Variants in MAPK8IP3 observed in about 807,000 individuals in gnomAD.
The protein encoded by MAPK8IP3 is mitogen-activated protein kinase 8 interacting protein 3.
In MAPK8IP3, 49 loss-of-function variants were observed where a neutral mutation model predicts 157.8. The ratio of observed to expected loss-of-function variants is 0.31; its 90% CI spans 0.25 to 0.39. MAPK8IP3 has a LOEUF of 0.39. Among genes scored for constraint, MAPK8IP3 ranks in the 10% least tolerant of loss-of-function variants. The pLI, the probability that MAPK8IP3 is intolerant of heterozygous loss-of-function variation, is 1.00. For missense variants in MAPK8IP3, 1,478 were observed against 1,889.4 expected (o/e 0.78, Z 4.04); for synonymous variants, 897 against 777.7 (o/e 1.15, Z -2.55).
rs1344328149 is a variant in MAPK8IP3, at chr16:1,758,982, CGAT to C, written c.1237_1239del (p.Asp413del). 2 of 1,614,162 alleles carry C rather than the reference CGAT, an allele frequency of 1.2e-6. No homozygotes were observed. Among genetic ancestry groups the C allele is most frequent in the East Asian group, 2.2e-5 (1 of 44,880 alleles). ...GGGACGGGGACGGCTCCCTAGTGCG[CGAT>C]GATTTCTTTGGTAAGGCTGAGGCCC... On this transcript the variant is annotated inframe_deletion, in exon 10 of 32. Coordinates refer to ENST00000610761, the MANE Select transcript of MAPK8IP3 (RefSeq NM_001318852.2).
chr16:1,721,708 T>TGGGA (rs755236841), intron 1 of MAPK8IP3, among the ~76,000 whole-genome samples: 2 of 152,206 alleles, frequency 1.3e-5, no homozygotes, highest in East Asian at 3.9e-4. Context: ...CCCAAAGTAC[T>TGGGA]GGGATTACAG....
chr16:1,738,365 A>AGCATCT, intron 4 of MAPK8IP3, among the ~76,000 whole-genome samples: 1 of 58,362 alleles, frequency 1.7e-5, no homozygotes, highest in Non-Finnish European at 3.2e-5. Flanking sequence ...CATCCGTGTG[A>AGCATCT]GTGTGACCAT....
At position 1,706,535 on chromosome 16, in the gene MAPK8IP3, C is replaced by A. The variant is rs1213664634; in HGVS notation, c.196C>A (p.Leu66Ile). 1 of 1,613,868 alleles carries A rather than the reference C, an allele frequency of 6.2e-7. No individual in the cohort carries two copies. ...MPLVVNVLENLDSVLSENQEH... is the reference protein window; with the variant it reads ...MPLVVNVLENIDSVLSENQEH... The stretch of plus-strand genomic sequence containing the variant: ...GCTGGTGGTGAACGTGCTGGAGAAC[C>A]TAGACTCGGTGCTCAGCGAGAACCA... Residue 66 changes from leucine (L) to isoleucine (I), a missense_variant, in exon 1 of 32, where the codon CTA (leucine) becomes ATA (isoleucine). Leu to Ile is a conservative substitution (Grantham distance 5, BLOSUM62 2). This residue lies in a region of MAPK8IP3 where 65 missense variants were observed against 161.8 expected (regional missense o/e 0.40). Coordinates refer to ENST00000610761, the MANE Select transcript of MAPK8IP3 (RefSeq NM_001318852.2). The surrounding 1 kb of genome is among the most constrained non-coding windows in gnomAD (Gnocchi z 5.1).
chr16:1,765,983 C>G lies in MAPK8IP3; in HGVS notation c.2470C>G (p.Pro824Ala). The G allele has an allele frequency of 1.2e-6, 2 of 1,612,540 alleles. No homozygotes were observed. Among genetic ancestry groups the G allele is most frequent in the Non-Finnish European group, 1.7e-6 (2 of 1,179,826 alleles). The change falls in exon 21 of 32, where the codon CCC becomes GCC. Residue 824 changes from proline to alanine, a missense_variant. Pro to Ala is a conservative substitution (Grantham distance 27). This residue lies in a region of MAPK8IP3 where 669 missense variants were observed against 759.8 expected (regional missense o/e 0.88). Coordinates refer to ENST00000610761, the MANE Select transcript of MAPK8IP3 (RefSeq NM_001318852.2). The stretch of plus-strand genomic sequence containing the variant: ...AGCGGCCAGCGACAGCGACTACCCT[C>G]CCGGGGAGATGTTCCTGGACAGCGA... Reference protein sequence around the residue: ...IPAASDSDYPPGEMFLDSDVN... With the variant: ...IPAASDSDYPAGEMFLDSDVN...
At chr16:1,709,160 T>G (rs2037591590) in intron 1 of MAPK8IP3, among the ~76,000 whole-genome samples, 1 of 152,210 alleles carries the variant, frequency 6.6e-6, no homozygotes, top group African/African-American at 2.4e-5. Context: ...TATAAAAACC[T>G]GAGCAGAGCA....
intron 4 of MAPK8IP3, among the ~76,000 whole-genome samples, chr16:1,736,607 CGT>C (rs1426001208): frequency 7.0e-5 from 3 of 42,662 alleles, no homozygotes; most frequent in African/African-American, 1.8e-4. Context: ...TGTGAGCATC[CGT>C]GTGACCGTCC....
intron 30 of MAPK8IP3, 23 bp from the exon 31 acceptor site, chr16:1,768,454 C>T (rs1468126678): frequency 4.4e-6 from 7 of 1,584,162 alleles, no homozygotes; most frequent in Non-Finnish European, 6.0e-6. Context: ...GGCCGCTGTC[C>T]TGAATCGCTT....
chr16:1,710,236 C>T lies in MAPK8IP3; in HGVS notation c.318+3579C>T, dbSNP rs1034281949. Among the ~76,000 whole-genome samples the T allele has an allele frequency of 1.2e-4, 18 of 151,766 alleles. No individual in the cohort carries two copies. Among genetic ancestry groups the T allele is most frequent in the Admixed American group, 3.3e-4 (5 of 15,240 alleles). ...CCAACATTTGACATTGAACTCCTGA[C>T]CTCCTCATCTCAGGTCAGGAGTTTG... On this transcript the variant is annotated intron_variant, in intron 1 of 31. Coordinates refer to ENST00000610761, the MANE Select transcript of MAPK8IP3 (RefSeq NM_001318852.2). This position sits in a 1 kb window ranked among gnomAD's most constrained non-coding sequence, Gnocchi z 4.1.
chr16:1,739,423 ACCGT>A (rs1475518267), intron 4 of MAPK8IP3, among the ~76,000 whole-genome samples: 12 of 121,822 alleles, frequency 9.9e-5, no homozygotes, highest in Admixed American at 5.3e-4. Context: ...CATCCCTGTG[ACCGT>A]CCGTGTGAGC....
intron 4 of MAPK8IP3, among the ~76,000 whole-genome samples, chr16:1,735,839 G>A (rs1427309574): frequency 2.0e-4 from 28 of 136,976 alleles, no homozygotes; most frequent in South Asian, 9.8e-4. Context: ...GTGTGAGAGC[G>A]TGACCGCCCG....
chr16:1,736,369 CGT>C (rs1186136001), intron 4 of MAPK8IP3, among the ~76,000 whole-genome samples: 1 of 66,328 alleles, frequency 1.5e-5, no homozygotes, highest in Non-Finnish European at 2.8e-5. Context: ...TGTGACCGTC[CGT>C]GTGAGCATCC....
At chr16:1,765,367 G>A (rs527695799) in intron 20 of MAPK8IP3, among the ~76,000 whole-genome samples, 189 bp downstream of exon 20, 8 of 152,332 alleles carry the variant, frequency 5.3e-5, no homozygotes, top group South Asian at 4.1e-4. Context: ...GAGGAAGCTC[G>A]CGGCAGCCTC....
At chr16:1,745,621 C>G (rs572979092) in intron 5 of MAPK8IP3, 1 of 152,360 alleles carries the variant, frequency 6.6e-6, no homozygotes, top group Non-Finnish European at 1.5e-5. Flanking sequence ...CGCTGGGACG[C>G]GGTGGGTGTG....
chr16:1,729,208 G>C lies in MAPK8IP3; in HGVS notation c.510G>C (p.Glu170Asp). 6.2e-7 allele frequency: 1 copy of C among 1,613,870 alleles called. No homozygotes were observed. The highest frequency in any genetic ancestry group is 8.5e-7 in the Non-Finnish European group (1 of 1,180,008). Residue 170 changes from glutamate to aspartate, a missense_variant and splice_region_variant, in exon 3 of 32, where the codon GAG becomes GAC. Around this residue, in one of 11 missense-constraint regions of MAPK8IP3, gnomAD observed 315 missense variants for 394.4 expected, o/e 0.80. Transcript: ENST00000610761. ...EYNALHQRHT[E>D]MIQTYVEHIE... ...ATGCCCTGCACCAGCGGCACACAGA[G>C]GTGGGCGCCCAGAGGCAAGCGCGGA...
Position 1,767,188 on chromosome 16 carries a change from T to G in MAPK8IP3, c.3128T>G (p.Leu1043Arg). The G allele has an allele frequency of 6.2e-7, 1 of 1,613,314 alleles. No homozygotes were observed. Among genetic ancestry groups the G allele is most frequent in the Non-Finnish European group, 8.5e-7 (1 of 1,180,014 alleles). ...CTGAGCAACTATCACCTAATGGACC[T>G]GGGCCACCCGCACCACTCCATCCGC... is the stretch of plus-strand genomic sequence containing the variant. ...WDLSNYHLMD[L>R]GHPHHSIRCM... is the part of the protein sequence containing the mutation. Residue 1043 changes from leucine to arginine, a missense_variant, in exon 26 of 32, where the codon CTG becomes CGG. Around this residue, in one of 11 missense-constraint regions of MAPK8IP3, gnomAD observed 669 missense variants for 759.8 expected, o/e 0.88. Transcript: ENST00000610761.
intron 2 of MAPK8IP3, among the ~76,000 whole-genome samples, chr16:1,727,366 C>T (rs1334985676): frequency 4.0e-5 from 6 of 151,802 alleles, no homozygotes; most frequent in Non-Finnish European, 5.9e-5. Context: ...GTCTGTGAGC[C>T]GTGTGTTATT....
At chr16:1,733,843 G>T (rs1216575160) in intron 4 of MAPK8IP3, among the ~76,000 whole-genome samples, 1 of 152,252 alleles carries the variant, frequency 6.6e-6, no homozygotes, top group Non-Finnish European at 1.5e-5. Context: ...TGGATCTGGG[G>T]TGCTCTCTTG....
chr16:1,755,094 A>G (rs183736692), intron 8 of MAPK8IP3, among the ~76,000 whole-genome samples: 156 of 152,358 alleles, frequency 1.0e-3, no homozygotes, highest in Non-Finnish European at 1.3e-3. Flanking sequence ...AGCTTGCAGG[A>G]TTCCACATAA....
At position 1,768,589 on chromosome 16, in the gene MAPK8IP3, G is replaced by C; in HGVS notation, c.3855G>C (p.Val1285=). 3 of 1,595,386 alleles carry C rather than the reference G, an allele frequency of 1.9e-6. No homozygotes were observed. Among genetic ancestry groups the C allele is most frequent in the Non-Finnish European group, 2.6e-6 (3 of 1,171,734 alleles). Residue 1285 remains valine (V), a synonymous_variant, in exon 31 of 32, where the codon GTG becomes GTC. Transcript: ENST00000610761. ...GCCAGAAGCTGCGGAACGTGCTGGT[G>C]CTGAGCGGCGGGGAGGGCTACATCG... ...VEGQKLRNVL[V]LSGGEGYIDF...
Sources: gnomAD v4.1 joint callset for allele counts (sites outside exome capture counted in the v4.1 genomes callset) on GRCh38, gnomAD v4.1.1 for gene constraint, gnomAD v4.1.1 regional missense constraint, Gnocchi (gnomAD v3.1) non-coding constraint, MANE v1.5 for transcripts, NCBI Gene and HGNC (gene_info 2026-07-23, HGNC 2026-07-21) for gene names.